GPC5: variants seen among roughly 807,000 people sequenced by gnomAD.
The protein encoded by GPC5 is glypican-5.
GPC5 carries 47 observed loss-of-function variants against 53.9 expected under a neutral mutation model. The observed-to-expected ratio is 0.87, with a 90% CI of 0.69 to 1.11. The LOEUF is 1.11. GPC5 is among the 50% of genes most tolerant of loss of function. The probability of loss-of-function intolerance (pLI) is 0.00; values close to 1 mark genes in which losing one functional copy is unlikely to be tolerated. For synonymous variants in GPC5, 286 were observed against 263.3 expected, an observed-to-expected ratio of 1.09 and a Z score of -0.84; for missense variants, 748 against 713.1, an observed-to-expected ratio of 1.05 and a Z score of -0.56.
chr13:91,640,143 G>C (rs920323999), intron 2 of GPC5, among the ~76,000 whole-genome samples: 5 of 151,884 alleles, frequency 3.3e-5, no homozygotes, highest in African/African-American at 1.2e-4. Context: ...TTAACTTTAT[G>C]TTTAAAATAC....
chr13:92,449,770 CA>C (rs1278743689), intron 7 of GPC5, among the ~76,000 whole-genome samples: 1 of 150,672 alleles, frequency 6.6e-6, no homozygotes, highest in African/African-American at 2.4e-5. Flanking sequence ...AGATAAACTT[CA>C]CACAGATTCA....
chr13:91,684,788 G>A (rs950843020), intron 2 of GPC5, among the ~76,000 whole-genome samples: 1 of 152,148 alleles, frequency 6.6e-6, no homozygotes, highest in African/African-American at 2.4e-5. Context: ...CCAGTGCTTC[G>A]CATTCCACAT....
chr13:91,861,746 C>T, intron 5 of GPC5, among the ~76,000 whole-genome samples: 1 of 146,662 alleles, frequency 6.8e-6, no homozygotes, highest in Non-Finnish European at 1.5e-5. Flanking sequence ...ACTGTACAAT[C>T]TGTTTCTTGT....
At chr13:91,592,514 GT>G (rs1484733674) in intron 2 of GPC5, among the ~76,000 whole-genome samples, 1 of 152,156 alleles carries the variant, frequency 6.6e-6, no homozygotes, top group African/African-American at 2.4e-5. Flanking sequence ...GCCCTGTGGA[GT>G]GAGGCATGCC....
chr13:92,514,137 C>T (rs2080112108), intron 7 of GPC5, among the ~76,000 whole-genome samples: 1 of 87,662 alleles, frequency 1.1e-5, no homozygotes, highest in Admixed American at 1.6e-4. Flanking sequence ...CTAGTCCCTG[C>T]CCCCCCGCCC....
intron 6 of GPC5, among the ~76,000 whole-genome samples, chr13:92,133,651 C>A (rs2041762145): frequency 6.6e-6 from 1 of 152,044 alleles, no homozygotes; most frequent in African/African-American, 2.4e-5. Flanking sequence ...CTTTTTGTTT[C>A]TTTTCTATCT....
chr13:92,030,536 A>G (rs896262343), intron 6 of GPC5, among the ~76,000 whole-genome samples: 1 of 152,134 alleles, frequency 6.6e-6, no homozygotes, highest in Non-Finnish European at 1.5e-5. Context: ...AGTGTTGTCT[A>G]TAAGCACTGC....
At chr13:91,822,727 G>A (rs2038515545) in intron 5 of GPC5, among the ~76,000 whole-genome samples, 1 of 152,044 alleles carries the variant, frequency 6.6e-6, no homozygotes, top group Admixed American at 6.6e-5. Context: ...TTGGATCATA[G>A]GGTCAAGCCA....
intron 7 of GPC5, among the ~76,000 whole-genome samples, chr13:92,352,986 C>A (rs1363766565): frequency 6.6e-6 from 1 of 152,012 alleles, no homozygotes; most frequent in Non-Finnish European, 1.5e-5. Context: ...TCAGGCCGGG[C>A]GCGGTGGCTC....
chr13:92,665,094 A>G (rs759207106), intron 7 of GPC5, among the ~76,000 whole-genome samples: 17 of 152,184 alleles, frequency 1.1e-4, no homozygotes, highest in Non-Finnish European at 2.4e-4. Context: ...AAAATTTCTG[A>G]AAGGATGCAC....
At chr13:92,086,465 T>G (rs978099926) in intron 6 of GPC5, among the ~76,000 whole-genome samples, 1 of 152,232 alleles carries the variant, frequency 6.6e-6, no homozygotes, top group African/African-American at 2.4e-5. Context: ...TCAGGAATGA[T>G]GACATCTTCT....
chr13:92,863,729 G>A (rs993941225), intron 7 of GPC5, among the ~76,000 whole-genome samples: 2 of 152,128 alleles, frequency 1.3e-5, no homozygotes, highest in South Asian at 4.1e-4. Flanking sequence ...CCGACCTCAG[G>A]TGATCTGCCT....
At chr13:92,550,293 A>G (rs964810212) in intron 7 of GPC5, among the ~76,000 whole-genome samples, 2 of 151,886 alleles carry the variant, frequency 1.3e-5, no homozygotes, top group African/African-American at 2.4e-5. Flanking sequence ...AACAACCTAC[A>G]TTATTCATTA....
chr13:92,769,888 C>A (rs568077045), intron 7 of GPC5, among the ~76,000 whole-genome samples: 1 of 152,244 alleles, frequency 6.6e-6, no homozygotes, highest in Middle Eastern at 3.4e-3. Flanking sequence ...TGTCTCATAA[C>A]TAGATTTTAA....
intron 7 of GPC5, among the ~76,000 whole-genome samples, chr13:92,764,417 A>C (rs61974503): frequency 6.6e-5 from 10 of 152,238 alleles, no homozygotes; most frequent in Admixed American, 6.5e-4. Context: ...GCTAGGACAT[A>C]GCGTCAGTTC....
chr13:91,964,278 G>A (rs945870825), intron 6 of GPC5, among the ~76,000 whole-genome samples: 4 of 152,142 alleles, frequency 2.6e-5, no homozygotes, highest in Admixed American at 1.3e-4. Flanking sequence ...GCCTCCAAAG[G>A]GTGGAAAGAG....
At chr13:92,228,997 T>C (rs1227664447) in intron 7 of GPC5, among the ~76,000 whole-genome samples, 2 of 152,090 alleles carry the variant, frequency 1.3e-5, no homozygotes, top group Non-Finnish European at 2.9e-5. Flanking sequence ...TTAAAACAAG[T>C]TCAAAATCAA....
At chr13:92,294,830 T>C (rs76104512) in intron 7 of GPC5, among the ~76,000 whole-genome samples, 10 of 122,832 alleles carry the variant, frequency 8.1e-5, no homozygotes, top group Non-Finnish European at 1.3e-4. Context: ...TTTTTTCTTT[T>C]TTTTTTTTTT....
chr13:92,276,738 T>G (rs2042878386), intron 7 of GPC5, among the ~76,000 whole-genome samples: 1 of 152,142 alleles, frequency 6.6e-6, no homozygotes, highest in African/African-American at 2.4e-5. Context: ...TTTATTACTA[T>G]ACAATATCCT....
Sources: allele counts gnomAD v4.1 joint callset (sites outside exome capture counted in the v4.1 genomes callset), GRCh38; gene constraint gnomAD v4.1.1; transcripts MANE v1.5; gene names NCBI Gene and HGNC (gene_info 2026-07-23, HGNC 2026-07-21).